Variants in CTNNA2 observed in about 807,000 individuals in gnomAD.
CTNNA2 encodes catenin alpha 2.
A neutral mutation model predicts 101.0 loss-of-function variants in CTNNA2; 42 were observed. That is an observed-to-expected ratio of 0.42 (90% CI 0.32 to 0.54). The LOEUF is 0.54. Among genes scored for constraint, CTNNA2 ranks in the 20% least tolerant of loss-of-function variants. The pLI, the probability that CTNNA2 is intolerant of heterozygous loss-of-function variation, is 0.14. For missense variants in CTNNA2, 871 were observed against 1,223.1 expected, an observed-to-expected ratio of 0.71 and a Z score of 4.29; for synonymous variants, 450 against 456.4, an observed-to-expected ratio of 0.99 and a Z score of 0.18.
intron 7 of CTNNA2, among the ~76,000 whole-genome samples, chr2:79,973,624 C>T (rs1177243265): frequency 6.6e-6 from 1 of 152,124 alleles, no homozygotes; most frequent in East Asian, 1.9e-4. Context: ...AACAGAGCCT[C>T]ACCAAAATCT....
chr2:79,280,547 A>T (rs1032485950), intron 2 of CTNNA2, among the ~76,000 whole-genome samples: 3 of 151,992 alleles, frequency 2.0e-5, no homozygotes, highest in Admixed American at 2.0e-4. Flanking sequence ...CTTTGGGCTT[A>T]AAAACTGGGG....
intron 9 of CTNNA2, among the ~76,000 whole-genome samples, chr2:80,467,778 T>A (rs899649212): frequency 2.0e-5 from 3 of 152,170 alleles, no homozygotes; most frequent in Non-Finnish European, 4.4e-5. Flanking sequence ...ATGGGATTAG[T>A]ATCCTTATAA....
At position 79,930,256 on chromosome 2, in the gene CTNNA2, AAGAAAGAAAGAAAGAAAGAAAG is replaced by A. The variant is rs1297484358; in HGVS notation, c.1056+20463_1056+20484del. Among the ~76,000 whole-genome samples the A allele has an allele frequency of 5.1e-3, 104 of 20,264 alleles. 2 individuals are homozygous for A. The East Asian group carries it at 0.2, about 39-fold the overall frequency. 13.3% of individuals were successfully genotyped at this position (20,264 alleles called of 152,430 possible). A position where few individuals can be genotyped will look rare whatever the true frequency, so the allele number is the denominator to read the frequency against. On this transcript the variant is annotated intron_variant, in intron 7 of 18. Coordinates refer to ENST00000402739, the MANE Select transcript of CTNNA2 (RefSeq NM_001282597.3). ...AGACTCTGTCTCAAAGAAAGAAAGA[AAGAAAGAAAGAAAGAAAGAAAG>A]AGAGAGAGAGAGAAAGAGAAAGAAA...
At chr2:79,742,034 T>C (rs1671322774) in intron 2 of CTNNA2, among the ~76,000 whole-genome samples, 3 of 152,204 alleles carry the variant, frequency 2.0e-5, no homozygotes. Flanking sequence ...TAAATGAGGA[T>C]TGATTTGCTT....
In CTNNA2 at chr2:80,020,795, C is replaced by CA. The variant is rs886280292; in HGVS notation, c.1056+111007dup. Among the ~76,000 whole-genome samples, 23 of 149,886 alleles carry CA rather than the reference C, an allele frequency of 1.5e-4. No homozygotes were observed. In the East Asian group the frequency reaches 2.0e-3, roughly 13 times the overall value. On this transcript the variant is annotated intron_variant, in intron 7 of 18. Transcript: ENST00000402739. ...ACTGCATGCACAATTAATCTACTGG[C>CA]AAAAAAAAATTGGAGAAGAAAGAAT...
At chr2:79,333,284 C>T (rs1391863593) in intron 3 of CTNNA2, among the ~76,000 whole-genome samples, 1 of 152,100 alleles carries the variant, frequency 6.6e-6, no homozygotes, top group Non-Finnish European at 1.5e-5. Context: ...AGAAGACATT[C>T]TCAATTTAAG....
chr2:79,762,652 T>G (rs1345779985), intron 3 of CTNNA2, among the ~76,000 whole-genome samples: 1 of 152,166 alleles, frequency 6.6e-6, no homozygotes, highest in East Asian at 1.9e-4. Context: ...AATCAGCATC[T>G]TTCAATTCAT....
chr2:80,406,048 T>C (rs1455236102), intron 8 of CTNNA2, among the ~76,000 whole-genome samples: 2 of 151,874 alleles, frequency 1.3e-5, no homozygotes, highest in Admixed American at 6.6e-5. Context: ...CTAAAGGGAG[T>C]GACTGTAAAG....
chr2:80,448,569 G>C (rs1410020781), intron 9 of CTNNA2, among the ~76,000 whole-genome samples: 3 of 152,162 alleles, frequency 2.0e-5, no homozygotes, highest in Non-Finnish European at 4.4e-5. Flanking sequence ...GCTGGGGCCT[G>C]GGTGTCACTA....
chr2:79,614,940 GTTAGATTTCAGGGAA>G (rs2104234059), intron 1 of CTNNA2, among the ~76,000 whole-genome samples: 1 of 152,276 alleles, frequency 6.6e-6, no homozygotes, highest in East Asian at 1.9e-4. Flanking sequence ...TGCATAGGCT[GTTAGATTTCAGGGAA>G]TTTCAAGGTT....
intron 15 of CTNNA2, among the ~76,000 whole-genome samples, chr2:80,592,324 A>G (rs921025900): frequency 2.6e-5 from 4 of 152,170 alleles, no homozygotes; most frequent in African/African-American, 7.2e-5. Flanking sequence ...TCCAGGCCAC[A>G]TCTGCTCAGT....
chr2:79,243,108 C>T (rs1040067431), intron 2 of CTNNA2, among the ~76,000 whole-genome samples: 1 of 151,448 alleles, frequency 6.6e-6, no homozygotes, highest in Non-Finnish European at 1.5e-5. Flanking sequence ...CCAAAAAGAA[C>T]TGTCAGAGAA....
chr2:79,672,554 C>T (rs993771662), intron 2 of CTNNA2, among the ~76,000 whole-genome samples: 3 of 151,836 alleles, frequency 2.0e-5, no homozygotes, highest in African/African-American at 2.4e-5. Flanking sequence ...ATCCTGTGGC[C>T]TTTTAATATT....
At chr2:80,066,821 A>G (rs1377346200) in intron 7 of CTNNA2, among the ~76,000 whole-genome samples, 2 of 152,224 alleles carry the variant, frequency 1.3e-5, no homozygotes, top group African/African-American at 4.8e-5. Context: ...AATAGCCAAA[A>G]TATTGAATCA....
chr2:79,395,042 G>C (rs78498543), intron 4 of CTNNA2, among the ~76,000 whole-genome samples: 5 of 152,118 alleles, frequency 3.3e-5, no homozygotes. Flanking sequence ...CCATGCCTCT[G>C]TGATAGATTC....
chr2:80,271,567 G>A (rs988931034), intron 7 of CTNNA2, among the ~76,000 whole-genome samples: 14 of 152,020 alleles, frequency 9.2e-5, no homozygotes, highest in South Asian at 6.2e-4. Flanking sequence ...GACTACAGGC[G>A]CAAGCCACCA....
intron 9 of CTNNA2, among the ~76,000 whole-genome samples, chr2:80,515,287 C>A (rs1420256189): frequency 1.3e-5 from 2 of 151,802 alleles, no homozygotes; most frequent in East Asian, 3.9e-4. Flanking sequence ...CTCTGTTCTT[C>A]TTTGATGGAA....
intron 7 of CTNNA2, among the ~76,000 whole-genome samples, chr2:80,027,496 A>G (rs111254141): frequency 5.9e-5 from 9 of 152,180 alleles, no homozygotes; most frequent in African/African-American, 2.2e-4. Context: ...TTCTGTGTGG[A>G]GAATGGACTA....
At position 79,490,039 on chromosome 2, in the gene CTNNA2, A is replaced by T. The variant is rs62141415; in HGVS notation, c.-134-15015A>T. The stretch of plus-strand genomic sequence containing the variant: ...TCTAGGACTGAAGCCCAGCTCATTC[A>T]TCTGGTGGCCTAGTTCTTGCCAATT... On this transcript the variant is annotated intron_variant, in intron 4 of 21. Transcript: ENST00000466387. Among the ~76,000 whole-genome samples, 1,383 of 152,256 alleles carry T rather than the reference A, an allele frequency of 9.1e-3. 10 individuals are homozygous for T. The highest frequency in any genetic ancestry group is 0.013 in the South Asian group (63 of 4,820).
Sources: gnomAD v4.1 joint callset for allele counts (sites outside exome capture counted in the v4.1 genomes callset) on GRCh38, gnomAD v4.1.1 for gene constraint, MANE v1.5 for transcripts, NCBI Gene and HGNC (gene_info 2026-07-23, HGNC 2026-07-21) for gene names.